FSTL4: variants seen among roughly 807,000 people sequenced by gnomAD.
The protein encoded by FSTL4 is follistatin-related protein 4.
Under a neutral mutation model 78.2 loss-of-function variants are expected in FSTL4, and 28 were observed. That is an observed-to-expected ratio of 0.36 (90% CI 0.27 to 0.49). The LOEUF (loss-of-function observed/expected upper bound fraction) is 0.49. Ranked by LOEUF, FSTL4 falls within the 20% of genes least tolerant of loss-of-function variation. FSTL4 has a pLI of 0.98. For missense variants in FSTL4, 922 were observed against 1,084.9 expected, an observed-to-expected ratio of 0.85 and a Z score of 2.11; for synonymous variants, 422 against 440.5, an observed-to-expected ratio of 0.96 and a Z score of 0.53.
At chr5:133,723,114 T>C in the FSTL4 span, among the ~76,000 whole-genome samples, 1 of 152,142 alleles carries the variant, frequency 6.6e-6, no homozygotes, top group Admixed American at 6.5e-5. Flanking sequence ...GGGTCTGGGT[T>C]TAGGATCTTG....
chr5:133,228,418 TAC>T (rs1475584528), intron 8 of FSTL4, among the ~76,000 whole-genome samples: 1 of 152,126 alleles, frequency 6.6e-6, no homozygotes, highest in Non-Finnish European at 1.5e-5. Context: ...TGTTCCAAAT[TAC>T]ATCATGAAGG....
chr5:133,819,992 G>A, the FSTL4 span, among the ~76,000 whole-genome samples: 4 of 152,158 alleles, frequency 2.6e-5, no homozygotes, highest in Admixed American at 2.6e-4. Flanking sequence ...ACTTGCTCAA[G>A]GTCACACAAC....
chr5:133,777,076 G>C, the FSTL4 span, among the ~76,000 whole-genome samples: 1 of 152,120 alleles, frequency 6.6e-6, no homozygotes, highest in Non-Finnish European at 1.5e-5. Flanking sequence ...ACTGCACCAA[G>C]CATAGAAATA....
chr5:133,412,453 T>C (rs1199823041), intron 3 of FSTL4, among the ~76,000 whole-genome samples: 1 of 152,192 alleles, frequency 6.6e-6, no homozygotes, highest in Non-Finnish European at 1.5e-5. Flanking sequence ...CAACCTGCTA[T>C]CCACCTAGAA....
chr5:133,786,518 C>T, the FSTL4 span, among the ~76,000 whole-genome samples: 1 of 152,130 alleles, frequency 6.6e-6, no homozygotes, highest in Non-Finnish European at 1.5e-5. Context: ...TGTGGATCTA[C>T]ACTCAGCTGC....
At chr5:133,213,679 A>G (rs1750816178) in intron 13 of FSTL4, among the ~76,000 whole-genome samples, 1 of 152,214 alleles carries the variant, frequency 6.6e-6, no homozygotes, top group Admixed American at 6.5e-5. Context: ...GCAAATCCAC[A>G]AGAAAGCAAA....
chr5:133,406,326 C>CA (rs1756362054), intron 3 of FSTL4, among the ~76,000 whole-genome samples: 1 of 152,214 alleles, frequency 6.6e-6, no homozygotes, highest in Non-Finnish European at 1.5e-5. Flanking sequence ...CAGGCAGACT[C>CA]AGTCTGCAGG....
At chr5:133,652,407 G>A in the FSTL4 span, among the ~76,000 whole-genome samples, 1,644 of 151,830 alleles carry the variant, frequency 0.011, 29 homozygotes, top group African/African-American at 0.038. Flanking sequence ...TTTCTCTTAA[G>A]TGCTGCTTTC....
At chr5:133,762,798 C>G in the FSTL4 span, among the ~76,000 whole-genome samples, 1,204 of 152,304 alleles carry the variant, frequency 7.9e-3, 25 homozygotes, top group African/African-American at 0.028. Context: ...TTTGTTCTGA[C>G]TGGACCATCT....
chr5:133,711,846 A>C, the FSTL4 span, among the ~76,000 whole-genome samples: 1 of 152,188 alleles, frequency 6.6e-6, no homozygotes, highest in South Asian at 2.1e-4. Flanking sequence ...CCTTGGGCTT[A>C]GAGGAAAAAT....
intron 6 of FSTL4, chr5:133,312,398 T>A: frequency 2.1e-6 from 1 of 483,490 alleles, no homozygotes; most frequent in Non-Finnish European, 3.7e-6. Flanking sequence ...TATGCTTCAA[T>A]TACAGTCCTG....
chr5:133,507,381 A>G (rs1178163194), intron 3 of FSTL4, among the ~76,000 whole-genome samples: 7 of 152,288 alleles, frequency 4.6e-5, no homozygotes, highest in Middle Eastern at 3.4e-3. Flanking sequence ...GACGGATCAG[A>G]AAGATGCTTT....
the FSTL4 span, among the ~76,000 whole-genome samples, chr5:133,698,641 T>A: frequency 6.6e-6 from 1 of 152,270 alleles, no homozygotes; most frequent in Admixed American, 6.5e-5. Flanking sequence ...GCGTGTAACG[T>A]GCTTGGCACA....
chr5:133,375,406 C>T (rs1316050664), intron 4 of FSTL4, among the ~76,000 whole-genome samples: 1 of 149,140 alleles, frequency 6.7e-6, no homozygotes, highest in South Asian at 2.1e-4. Flanking sequence ...TCTGTATGTC[C>T]TAAATTCTCT....
chr5:133,792,905 G>A, the FSTL4 span, among the ~76,000 whole-genome samples: 3 of 152,284 alleles, frequency 2.0e-5, no homozygotes, highest in South Asian at 4.1e-4. Context: ...TGTAAAACTC[G>A]GGCTCAGAGC....
chr5:133,792,659 C>T, the FSTL4 span, among the ~76,000 whole-genome samples: 4 of 152,192 alleles, frequency 2.6e-5, no homozygotes, highest in African/African-American at 7.2e-5. Flanking sequence ...GAAGGCGAGG[C>T]CTATGTTGTA....
At chr5:133,794,963 T>G in the FSTL4 span, among the ~76,000 whole-genome samples, 2 of 152,202 alleles carry the variant, frequency 1.3e-5, no homozygotes, top group Non-Finnish European at 2.9e-5. Flanking sequence ...CCTGGGGGGT[T>G]TTCTGTCACA....
At chr5:133,535,307 C>G (rs953854809) in intron 3 of FSTL4, among the ~76,000 whole-genome samples, 7 of 152,236 alleles carry the variant, frequency 4.6e-5, no homozygotes, top group African/African-American at 1.7e-4. Context: ...AAAATCTCTG[C>G]AGCAATGTAA....
intron 3 of FSTL4, among the ~76,000 whole-genome samples, chr5:133,564,045 G>A (rs1178134207): frequency 6.6e-6 from 1 of 152,162 alleles, no homozygotes; most frequent in Non-Finnish European, 1.5e-5. Context: ...TCTCTCTGAA[G>A]GTTCTAGGGA....
Sources: allele counts gnomAD v4.1 joint callset (sites outside exome capture counted in the v4.1 genomes callset), GRCh38; gene constraint gnomAD v4.1.1; transcripts MANE v1.5; gene names NCBI Gene and HGNC (gene_info 2026-07-23, HGNC 2026-07-21).